The following ATG4B variants were observed in gnomAD, a reference collection of about 807,000 sequenced individuals.
ATG4B encodes cysteine protease ATG4B.
A neutral mutation model predicts 56.6 loss-of-function variants in ATG4B; 29 were observed. The ratio of observed to expected loss-of-function variants is 0.51; its 90% CI spans 0.38 to 0.70. The LOEUF (loss-of-function observed/expected upper bound fraction) is 0.70, where lower values mean the gene tolerates loss of function less well. ATG4B is among the 30% of genes least tolerant of loss of function. The pLI, the probability that ATG4B is intolerant of heterozygous loss-of-function variation, is 0.00. For missense variants in ATG4B, 461 were observed against 515.5 expected (o/e 0.89, Z 1.02); for synonymous variants, 224 against 206.1 (o/e 1.09, Z -0.74).
intron 7 of ATG4B, 141 bp from the exon 8 acceptor site, chr2:241,666,504 A>G (rs1184439069): frequency 2.2e-6 from 2 of 902,290 alleles, no homozygotes; most frequent in Non-Finnish European, 3.4e-6. Flanking sequence ...GCTTTTCTAT[A>G]TTTTCCAAGT....
intron 7 of ATG4B, among the ~76,000 whole-genome samples, chr2:241,664,022 G>A (rs1039965020): frequency 5.3e-5 from 8 of 152,048 alleles, no homozygotes; most frequent in Admixed American, 4.6e-4. Flanking sequence ...ATTTCACCAT[G>A]TTGGCCAGGA....
At chr2:241,671,966 C>T (rs1021695107) in intron 12 of ATG4B, 108 of 1,404,714 alleles carry the variant, frequency 7.7e-5, no homozygotes, top group Non-Finnish European at 9.1e-5. Context: ...GAGATTGTGC[C>T]GGCCGCCCCC....
At chr2:241,670,940 T>G (rs371521435) in intron 11 of ATG4B, among the ~76,000 whole-genome samples, 158 bp downstream of exon 11, 2 of 152,266 alleles carry the variant, frequency 1.3e-5, no homozygotes, top group South Asian at 2.1e-4. Flanking sequence ...CTGAGCAGGG[T>G]GGGGCGTCCT....
intron 1 of ATG4B, among the ~76,000 whole-genome samples, chr2:241,643,132 G>A (rs2067953472): frequency 1.3e-5 from 2 of 151,430 alleles, no homozygotes; most frequent in Non-Finnish European, 2.9e-5. Flanking sequence ...TGATCTGCCC[G>A]CCTCGGCCTC....
Position 241,651,407 on chromosome 2 carries a change from A to ATT in ATG4B, c.184+74_184+75dup. On this transcript the variant is annotated intron_variant, in intron 3 of 12. Transcript: ENST00000404914. This position sits in a 1 kb window ranked among gnomAD's most constrained non-coding sequence, Gnocchi z 4.1. ...GAAGGAGGAAAACTTACGCTTGTAGATTTGACTTCAATATGCCACTGACTT... is the reference window on the plus strand; with the variant it reads ...GAAGGAGGAAAACTTACGCTTGTAGATTTTTGACTTCAATATGCCACTGACTT... 2 of 1,194,642 alleles carry ATT rather than the reference A, an allele frequency of 1.7e-6. No homozygotes were observed. Among genetic ancestry groups the ATT allele is most frequent in the Non-Finnish European group, 2.4e-6 (2 of 837,026 alleles). 74.0% of individuals were successfully genotyped at this position (1,194,642 alleles called of 1,614,324 possible). A position where few individuals can be genotyped will look rare whatever the true frequency, so the allele number is the denominator to read the frequency against.
At chr2:241,645,466 G>T (rs1415220065) in intron 1 of ATG4B, among the ~76,000 whole-genome samples, 1 of 152,196 alleles carries the variant, frequency 6.6e-6, no homozygotes, top group African/African-American at 2.4e-5. Context: ...TCCCATCCAT[G>T]CCGGTTCGTG....
intron 10 of ATG4B, among the ~76,000 whole-genome samples, chr2:241,669,332 G>T (rs1047678258): frequency 1.3e-5 from 2 of 152,152 alleles, no homozygotes; most frequent in Admixed American, 6.5e-5. Flanking sequence ...CCGAATCGGG[G>T]GCTCTGTTGT....
rs1402799060 is a variant in ATG4B at position 241,666,775 on chromosome 2, A to G, written c.669A>G (p.Val223=). ...GGCCGTCGCCATGGAGACCCCTGGT[A>G]CTTCTCATTCCCCTGCGCCTGGGGC... ...TNRPSPWRPL[V]LLIPLRLGLT... Residue 223 remains valine (V), a synonymous_variant, in exon 8 of 13, where the codon GTA becomes GTG. Transcript: ENST00000404914. 6.3e-7 allele frequency: 1 copy of G among 1,594,782 alleles called. No individual in the cohort carries two copies. The highest frequency in any genetic ancestry group is 8.5e-7 in the Non-Finnish European group (1 of 1,170,554).
At chr2:241,662,391 G>A (rs1303992083) in intron 7 of ATG4B, among the ~76,000 whole-genome samples, 1 of 152,186 alleles carries the variant, frequency 6.6e-6, no homozygotes, top group African/African-American at 2.4e-5. Flanking sequence ...TGAGGTGAGA[G>A]TAGGTATGTG....
rs2068861485 is a variant in ATG4B at position 241,668,791 on chromosome 2, A to T, written c.957+106A>T. 8.9e-6 allele frequency: 13 copies of T among 1,460,728 alleles called. 1 individual carries two copies. The East Asian group carries it at 3.2e-4, about 36-fold the overall frequency. 90.5% of individuals were successfully genotyped at this position (1,460,728 alleles called of 1,614,324 possible). ...GCGTTTTTTTTTTCAGCATGTTGGG[A>T]TAAGTACTGTGTTCACGTGGTTGGG... On this transcript the variant is annotated intron_variant, in intron 10 of 12. Transcript: ENST00000404914. This position sits in a 1 kb window ranked among gnomAD's most constrained non-coding sequence, Gnocchi z 4.2.
intron 7 of ATG4B, among the ~76,000 whole-genome samples, chr2:241,662,525 C>G (rs1190905305): frequency 6.6e-6 from 1 of 152,206 alleles, no homozygotes; most frequent in Non-Finnish European, 1.5e-5. Flanking sequence ...CTGTTGACAG[C>G]AGGGTGTTTG....
At chr2:241,666,475 T>C (rs1414878467) in intron 7 of ATG4B, 170 bp from the exon 8 acceptor site, 2 of 688,566 alleles carry the variant, frequency 2.9e-6, no homozygotes, top group African/African-American at 3.6e-5. Context: ...GTGGCAAGAT[T>C]ATGAAAAAAT....
At chr2:241,659,825 A>G (rs1177888018) in intron 7 of ATG4B, 1 of 163,746 alleles carries the variant, frequency 6.1e-6, no homozygotes, top group Non-Finnish European at 1.3e-5. Flanking sequence ...GAACTTCTCA[A>G]AACTCCCTCA....
Position 241,668,955 on chromosome 2 carries a change from G to C in ATG4B, c.957+270G>C. On this transcript the variant is annotated intron_variant, in intron 10 of 12. Coordinates refer to ENST00000404914, the MANE Select transcript of ATG4B (RefSeq NM_013325.5). The surrounding 1 kb of genome is among the most constrained non-coding windows in gnomAD (Gnocchi z 4.2). The stretch of plus-strand genomic sequence containing the variant: ...TGGATGTGAGCGTGTGTGGGCGCGT[G>C]CTGAGTGTGCATGGATGAGTGTGAG... The C allele has an allele frequency of 2.0e-6, 1 of 499,422 alleles. No individual in the cohort carries two copies. Among genetic ancestry groups the C allele is most frequent in the African/African-American group, 2.0e-5 (1 of 51,044 alleles). 30.9% of individuals were successfully genotyped at this position (499,422 alleles called of 1,614,324 possible).
chr2:241,670,719 G>GT lies in ATG4B; in HGVS notation c.958-3dup. 2 of 1,608,622 alleles carry GT rather than the reference G, an allele frequency of 1.2e-6. No individual in the cohort carries two copies. The highest frequency in any genetic ancestry group is 1.1e-5 in the South Asian group (1 of 90,124). On this transcript the variant is annotated splice_region_variant and splice_polypyrimidine_tract_variant and intron_variant, in intron 10 of 12. Coordinates refer to ENST00000404914, the MANE Select transcript of ATG4B (RefSeq NM_013325.5). ...GTCGTGTTCTGCTCATCGTCATTTC[G>GT]TTTTAGGGGTTTTTCTGTAAGACTG...
At position 241,655,329 on chromosome 2, in the gene ATG4B, C is replaced by T. The variant is rs779604934; in HGVS notation, c.444C>T (p.Val148=). 10 of 1,610,088 alleles carry T rather than the reference C, an allele frequency of 6.2e-6. No homozygotes were observed. Among genetic ancestry groups the T allele is most frequent in the African/African-American group, 1.3e-5 (1 of 74,980 alleles). The change falls in exon 6 of 13, where the codon GTC becomes GTT. Residue 148 remains valine, a synonymous_variant. Coordinates refer to ENST00000404914, the MANE Select transcript of ATG4B (RefSeq NM_013325.5). ...SIGQWYGPNT[V]AQVLKKLAVF... ...GCCAGTGGTACGGGCCCAACACTGTCGCCCAGGTCCTGAAGTATGTACTGC... is the reference window on the plus strand; with the variant it reads ...GCCAGTGGTACGGGCCCAACACTGTTGCCCAGGTCCTGAAGTATGTACTGC...
At chr2:241,665,391 G>A (rs6759909) in intron 7 of ATG4B, among the ~76,000 whole-genome samples, 6,116 of 152,282 alleles carry the variant, frequency 0.04, 420 homozygotes, top group African/African-American at 0.14. Context: ...GGAACAACCC[G>A]TGCCGCTGAT....
chr2:241,650,304 CAG>C (rs769912731), intron 1 of ATG4B, among the ~76,000 whole-genome samples: 20 of 152,228 alleles, frequency 1.3e-4, no homozygotes, highest in Admixed American at 6.5e-4. Context: ...GGGGACTTGG[CAG>C]AGAGTTTGAT....
At chr2:241,642,094 C>A (rs560459616) in intron 1 of ATG4B, among the ~76,000 whole-genome samples, 76 of 150,448 alleles carry the variant, frequency 5.1e-4, no homozygotes, top group African/African-American at 1.7e-3. Flanking sequence ...TCAAAGCTTT[C>A]AGTTTGTAGA....
Sources: allele counts gnomAD v4.1 joint callset (sites outside exome capture counted in the v4.1 genomes callset), GRCh38; gene constraint gnomAD v4.1.1; non-coding constraint Gnocchi (gnomAD v3.1); transcripts MANE v1.5; gene names NCBI Gene and HGNC (gene_info 2026-07-23, HGNC 2026-07-21).